Variants in MICU2 observed in about 807,000 individuals in gnomAD.
MICU2 encodes the protein calcium uptake protein 2, mitochondrial.
Under a neutral mutation model 60.4 loss-of-function variants are expected in MICU2, and 64 were observed. That is an observed-to-expected ratio of 1.06 (90% CI 0.87 to 1.31). The LOEUF is 1.31. MICU2 is among the 50% of genes most tolerant of loss of function. The pLI, the probability that MICU2 is intolerant of heterozygous loss-of-function variation, is 0.00. For missense variants in MICU2, 569 were observed against 531.0 expected (o/e 1.07, Z -0.70); for synonymous variants, 201 against 175.0 (o/e 1.15, Z -1.17).
chr13:21,584,127 C>T (rs933885024), intron 1 of MICU2, among the ~76,000 whole-genome samples: 6 of 152,144 alleles, frequency 3.9e-5, no homozygotes, highest in Non-Finnish European at 2.9e-5. Context: ...CGGTGGCTCA[C>T]GCCTGTAATC....
intron 2 of MICU2, among the ~76,000 whole-genome samples, chr13:21,549,465 G>A (rs1436829799): frequency 1.3e-5 from 2 of 152,040 alleles, no homozygotes; most frequent in African/African-American, 4.8e-5. Flanking sequence ...AGATAAATTC[G>A]CAAAGATATG....
chr13:21,573,429 T>C (rs530357074), intron 1 of MICU2, among the ~76,000 whole-genome samples: 9 of 152,094 alleles, frequency 5.9e-5, no homozygotes, highest in Non-Finnish European at 1.0e-4. Flanking sequence ...CCCGCCACCA[T>C]GCCCGGCTAA....
In MICU2 at chr13:21,539,324, A is replaced by G. The variant is rs1221245751; in HGVS notation, c.444T>C (p.Phe148=). ...TACCTTTATCGCCAAGGTCTCTGAA[A>G]AAAGTTGATCCACAGCCAGCTGTTT... ...GIQTAGCGST[F]FRDLGDKGLI... is the part of the protein sequence containing the mutation. The change falls in exon 4 of 12, where the codon TTT becomes TTC. Residue 148 remains phenylalanine (F), a synonymous_variant. Coordinates refer to ENST00000382374, the MANE Select transcript of MICU2 (RefSeq NM_152726.3). The G allele has an allele frequency of 2.5e-6, 4 of 1,614,000 alleles. No homozygotes were observed. Among genetic ancestry groups the G allele is most frequent in the Non-Finnish European group, 3.4e-6 (4 of 1,180,002 alleles).
chr13:21,503,163 G>A, intron 8 of MICU2, 66 bp from the exon 9 acceptor site: 1 of 1,184,828 alleles, frequency 8.4e-7, no homozygotes, highest in Non-Finnish European at 1.2e-6. Context: ...TTGTAAATGG[G>A]TCTGCAAAGT....
At chr13:21,549,140 A>G (rs926285185) in intron 2 of MICU2, among the ~76,000 whole-genome samples, 6 of 151,818 alleles carry the variant, frequency 4.0e-5, no homozygotes, top group Non-Finnish European at 7.4e-5. Context: ...CGTGTTAGCC[A>G]GGATGGTCTT....
At chr13:21,600,323 A>C (rs1888786032) in intron 1 of MICU2, among the ~76,000 whole-genome samples, 1 of 151,146 alleles carries the variant, frequency 6.6e-6, no homozygotes, top group South Asian at 2.1e-4. Context: ...TGCCTAGAAA[A>C]CTCTTCCCCT....
intron 6 of MICU2, chr13:21,515,589 A>C (rs971800017): frequency 2.3e-6 from 1 of 434,996 alleles, no homozygotes; most frequent in African/African-American, 2.0e-5. Flanking sequence ...TTTAAAAAAG[A>C]AAGCATTTTA....
At chr13:21,494,791 A>G (rs530150385) in intron 11 of MICU2, among the ~76,000 whole-genome samples, 1 of 152,148 alleles carries the variant, frequency 6.6e-6, no homozygotes, top group South Asian at 2.1e-4. Context: ...GCCTCCCACA[A>G]TGTGCTGGGA....
In MICU2 at chr13:21,578,901, G is replaced by A. The variant is rs557292860; in HGVS notation, c.211-11957C>T. On this transcript the variant is annotated intron_variant, in intron 1 of 11. Transcript: ENST00000382374. Reference sequence around the variant, plus strand: ...ACCAAAGGATACTGCCTTATTTTTCGCTAAGCATAGAAATCATGGAATCTT... The same window carrying A: ...ACCAAAGGATACTGCCTTATTTTTCACTAAGCATAGAAATCATGGAATCTT... Among the ~76,000 whole-genome samples the A allele has an allele frequency of 5.5e-4, 84 of 152,238 alleles. 1 individual carries two copies. Among genetic ancestry groups the A allele is most frequent in the Middle Eastern group, 6.8e-3 (2 of 294 alleles).
chr13:21,515,207 G>T (rs1320451344), intron 6 of MICU2, among the ~76,000 whole-genome samples: 2 of 151,112 alleles, frequency 1.3e-5, no homozygotes, highest in Admixed American at 1.3e-4. Flanking sequence ...TCAGCCTCCC[G>T]AGTAGCTGGG....
chr13:21,568,815 G>A (rs538837158), intron 1 of MICU2, among the ~76,000 whole-genome samples: 1 of 148,714 alleles, frequency 6.7e-6, no homozygotes, highest in Non-Finnish European at 1.5e-5. Flanking sequence ...CTTACAGCAA[G>A]ACATGAAAAC....
chr13:21,530,212 G>A (rs1307916969), intron 4 of MICU2, among the ~76,000 whole-genome samples: 1 of 152,158 alleles, frequency 6.6e-6, no homozygotes, highest in Non-Finnish European at 1.5e-5. Context: ...GCCACTGCAT[G>A]TGCATTTTAA....
intron 8 of MICU2, among the ~76,000 whole-genome samples, chr13:21,505,798 C>T (rs1886277951): frequency 6.6e-6 from 1 of 152,124 alleles, no homozygotes; most frequent in Non-Finnish European, 1.5e-5. Flanking sequence ...TGAATCTCGC[C>T]TCTTCAGTTT....
intron 2 of MICU2, among the ~76,000 whole-genome samples, chr13:21,561,576 C>T (rs1161805032): frequency 6.6e-6 from 1 of 150,960 alleles, no homozygotes; most frequent in Non-Finnish European, 1.5e-5. Context: ...CTTTTTATTC[C>T]TGATAATTTC....
intron 4 of MICU2, among the ~76,000 whole-genome samples, chr13:21,524,081 G>C (rs558948487): frequency 6.6e-6 from 1 of 152,074 alleles, no homozygotes. Flanking sequence ...ACACAGAAAC[G>C]ATATCTCAAA....
chr13:21,542,809 T>A (rs1399951633), intron 2 of MICU2, among the ~76,000 whole-genome samples: 1 of 152,196 alleles, frequency 6.6e-6, no homozygotes, highest in Non-Finnish European at 1.5e-5. Flanking sequence ...AGATACAGCA[T>A]ATCCTGTTAT....
intron 1 of MICU2, among the ~76,000 whole-genome samples, chr13:21,575,914 T>C (rs1020168027): frequency 6.6e-6 from 1 of 152,172 alleles, no homozygotes; most frequent in Non-Finnish European, 1.5e-5. Flanking sequence ...TTGTGAACTC[T>C]TTCTACAACT....
chr13:21,501,893 G>A (rs1322206422), intron 9 of MICU2, among the ~76,000 whole-genome samples: 8 of 152,122 alleles, frequency 5.3e-5, no homozygotes, highest in Admixed American at 1.3e-4. Flanking sequence ...ACCTCTATGC[G>A]GACAGAGACT....
At chr13:21,495,839 C>T in intron 10 of MICU2, 1 of 427,970 alleles carries the variant, frequency 2.3e-6, no homozygotes, top group South Asian at 3.2e-5. Context: ...CGGCCTTCTT[C>T]CTTCTTTTTA....
Sources: gnomAD v4.1 joint callset for allele counts (sites outside exome capture counted in the v4.1 genomes callset) on GRCh38, gnomAD v4.1.1 for gene constraint, MANE v1.5 for transcripts, NCBI Gene and HGNC (gene_info 2026-07-23, HGNC 2026-07-21) for gene names.